Variants in MIS18A observed in about 807,000 individuals in gnomAD.
The protein encoded by MIS18A is MIS18 kinetochore protein A.
A neutral mutation model predicts 25.0 loss-of-function variants in MIS18A; 14 were observed. The observed-to-expected ratio is 0.56, with a 90% CI of 0.37 to 0.88. The LOEUF is 0.88. Among genes scored for constraint, MIS18A ranks in the 40% least tolerant of loss-of-function variants. The pLI is 0.00. For missense variants in MIS18A, 292 were observed against 290.8 expected (o/e 1.00, Z -0.03); for synonymous variants, 134 against 118.6 (o/e 1.13, Z -0.84).
intron 1 of MIS18A, among the ~76,000 whole-genome samples, chr21:32,276,712 T>C (rs955174081): frequency 3.3e-5 from 5 of 152,116 alleles, no homozygotes; most frequent in African/African-American, 1.2e-4. Flanking sequence ...AGGGGATTGC[T>C]TGGGGCCAGG....
At chr21:32,183,819 T>C in the MIS18A span, among the ~76,000 whole-genome samples, 3 of 152,168 alleles carry the variant, frequency 2.0e-5, no homozygotes, top group Non-Finnish European at 4.4e-5. Context: ...CTACCCTTTA[T>C]GGAAGGAAGT....
At chr21:32,174,020 G>A in the MIS18A span, among the ~76,000 whole-genome samples, 7 of 136,982 alleles carry the variant, frequency 5.1e-5, no homozygotes, top group Non-Finnish European at 6.1e-5. Flanking sequence ...GCTGGAGTGC[G>A]GTGGCACGAT....
At chr21:32,192,973 A>C in the MIS18A span, among the ~76,000 whole-genome samples, 1 of 152,242 alleles carries the variant, frequency 6.6e-6, no homozygotes, top group Non-Finnish European at 1.5e-5. Context: ...ATTAAAATCA[A>C]CATCAAAGGC....
the MIS18A span, among the ~76,000 whole-genome samples, chr21:32,247,741 C>T: frequency 6.6e-6 from 1 of 152,186 alleles, no homozygotes; most frequent in Non-Finnish European, 1.5e-5. Flanking sequence ...CACCCGCAAG[C>T]CAAGGAGAGA....
chr21:32,239,741 C>A, the MIS18A span, among the ~76,000 whole-genome samples: 88 of 152,288 alleles, frequency 5.8e-4, no homozygotes, highest in East Asian at 0.017. Context: ...ATGAGTTCCA[C>A]CCTTAGGTTT....
At chr21:32,232,812 A>C in the MIS18A span, among the ~76,000 whole-genome samples, 2 of 152,306 alleles carry the variant, frequency 1.3e-5, no homozygotes, top group East Asian at 3.9e-4. Context: ...AGGCAGGATG[A>C]ATAAAACCTA....
chr21:32,201,388 CT>C, the MIS18A span, among the ~76,000 whole-genome samples: 65 of 152,240 alleles, frequency 4.3e-4, no homozygotes, highest in African/African-American at 1.6e-3. Context: ...TCGTCCCCCA[CT>C]TACCCTCAGA....
chr21:32,172,181 C>T, the MIS18A span, among the ~76,000 whole-genome samples: 1 of 151,968 alleles, frequency 6.6e-6, no homozygotes, highest in African/African-American at 2.4e-5. Flanking sequence ...AACCCTTGTA[C>T]TCTGTTGATA....
the MIS18A span, among the ~76,000 whole-genome samples, chr21:32,167,521 C>A: frequency 2.6e-5 from 4 of 151,858 alleles, no homozygotes; most frequent in African/African-American, 4.8e-5. Context: ...TTAAACATAG[C>A]AAAAATGAAG....
At chr21:32,252,225 AG>A in the MIS18A span, among the ~76,000 whole-genome samples, 1 of 93,994 alleles carries the variant, frequency 1.1e-5, no homozygotes, top group Admixed American at 1.1e-4. Context: ...AAGAAGAAGA[AG>A]AAGAAGAAGA....
chr21:32,200,575 A>C, the MIS18A span, among the ~76,000 whole-genome samples: 1 of 151,874 alleles, frequency 6.6e-6, no homozygotes, highest in Non-Finnish European at 1.5e-5. Context: ...CTGGGACTAC[A>C]GGCATCTGCC....
chr21:32,219,269 G>A, the MIS18A span, among the ~76,000 whole-genome samples: 5 of 152,154 alleles, frequency 3.3e-5, no homozygotes, highest in Non-Finnish European at 7.4e-5. Context: ...ATTTCCAACT[G>A]AGATACCCGG....
Position 32,269,019 on chromosome 21 carries a change from G to A in MIS18A, c.*18C>T. On this transcript the variant is annotated 3_prime_UTR_variant, in exon 5 of 5. Coordinates refer to ENST00000290130, the MANE Select transcript of MIS18A (RefSeq NM_018944.3). ...GGGGAGGAAGGGCGGGGGCAGAATG[G>A]AGGACACAGACTAGAGTTCAGCTTT... 6.4e-7 allele frequency: 1 copy of A among 1,561,502 alleles called. No individual in the cohort carries two copies. The highest frequency in any genetic ancestry group is 1.4e-5 in the African/African-American group (1 of 74,024).
chr21:32,222,744 A>G, the MIS18A span, among the ~76,000 whole-genome samples: 1 of 94 alleles, frequency 0.011, no homozygotes, highest in African/African-American at 0.045. Context: ...ATCCTGGCTA[A>G]CATGGTGAAA....
the MIS18A span, among the ~76,000 whole-genome samples, chr21:32,198,672 C>T: frequency 1.3e-5 from 2 of 152,344 alleles, no homozygotes; most frequent in Non-Finnish European, 2.9e-5. Context: ...GCTGCTGCCC[C>T]AAGTGGCACT....
At chr21:32,229,687 T>C in the MIS18A span, among the ~76,000 whole-genome samples, 1 of 152,230 alleles carries the variant, frequency 6.6e-6, no homozygotes, top group African/African-American at 2.4e-5. Context: ...GAAAAGAGCT[T>C]AATTTACATA....
At chr21:32,257,779 A>G in the MIS18A span, among the ~76,000 whole-genome samples, 1 of 152,042 alleles carries the variant, frequency 6.6e-6, no homozygotes, top group Non-Finnish European at 1.5e-5. Context: ...AGGCTCCAGG[A>G]CTCCCAGTGT....
the MIS18A span, among the ~76,000 whole-genome samples, chr21:32,252,629 G>A: frequency 3.9e-5 from 6 of 152,322 alleles, no homozygotes; most frequent in South Asian, 1.0e-3. Flanking sequence ...GCTGTCAGAA[G>A]TATCCCTTCC....
At chr21:32,263,210 C>T in the MIS18A span, among the ~76,000 whole-genome samples, 4 of 152,220 alleles carry the variant, frequency 2.6e-5, no homozygotes. Flanking sequence ...ATGTACATAA[C>T]ATCAACTACT....
Sources: allele counts gnomAD v4.1 joint callset (sites outside exome capture counted in the v4.1 genomes callset), GRCh38; gene constraint gnomAD v4.1.1; transcripts MANE v1.5; gene names NCBI Gene and HGNC (gene_info 2026-07-23, HGNC 2026-07-21).